Variants in GUCY1A2 observed in about 807,000 individuals in gnomAD.
The protein encoded by GUCY1A2 is guanylate cyclase 1 soluble subunit alpha 2.
Under a neutral mutation model 63.5 loss-of-function variants are expected in GUCY1A2, and 27 were observed. The observed-to-expected ratio is 0.43, with a 90% CI of 0.31 to 0.59. The LOEUF is 0.59. Ranked by LOEUF, GUCY1A2 falls within the 20% of genes least tolerant of loss-of-function variation. The pLI is 0.11. For synonymous variants in GUCY1A2, 364 were observed against 343.5 expected (o/e 1.06, Z -0.66); for missense variants, 768 against 913.3 (o/e 0.84, Z 2.05).
chr11:106,716,797 TAA>T (rs1356360554), intron 6 of GUCY1A2, among the ~76,000 whole-genome samples: 1 of 105,600 alleles, frequency 9.5e-6, no homozygotes, highest in Non-Finnish European at 1.9e-5. Flanking sequence ...AAAAAAAAGA[TAA>T]GAGTAAATCT....
intron 6 of GUCY1A2, among the ~76,000 whole-genome samples, chr11:106,720,977 T>G (rs947511866): frequency 1.3e-5 from 2 of 152,118 alleles, no homozygotes; most frequent in African/African-American, 2.4e-5. Context: ...CAAATTATTC[T>G]GAAAAACGAA....
intron 6 of GUCY1A2, among the ~76,000 whole-genome samples, chr11:106,712,163 T>C (rs1232553848): frequency 6.6e-6 from 1 of 152,144 alleles, no homozygotes; most frequent in East Asian, 1.9e-4. Flanking sequence ...TGTTAGGAGC[T>C]TGAATTACTT....
chr11:106,908,548 A>G (rs1860246348), intron 4 of GUCY1A2, among the ~76,000 whole-genome samples: 1 of 152,050 alleles, frequency 6.6e-6, no homozygotes, highest in South Asian at 2.1e-4. Context: ...TAAATAACAT[A>G]TGAATAAAGA....
intron 4 of GUCY1A2, among the ~76,000 whole-genome samples, chr11:106,899,937 T>A (rs2135484021): frequency 6.6e-6 from 1 of 151,950 alleles, no homozygotes; most frequent in Non-Finnish European, 1.5e-5. Context: ...TACAAAAAAA[T>A]TAGCCAGGCA....
chr11:106,833,222 AAAGAAAT>A (rs1859074062), intron 4 of GUCY1A2, among the ~76,000 whole-genome samples: 1 of 152,082 alleles, frequency 6.6e-6, no homozygotes, highest in South Asian at 2.1e-4. Flanking sequence ...TTATTTCTGT[AAAGAAAT>A]AATAGAGAAA....
At chr11:106,729,703 G>T (rs1403246223) in intron 6 of GUCY1A2, among the ~76,000 whole-genome samples, 2 of 152,026 alleles carry the variant, frequency 1.3e-5, no homozygotes, top group African/African-American at 4.8e-5. Context: ...TGTCATACTT[G>T]CCAGAGTAAT....
Position 106,764,176 on chromosome 11 carries a change from C to T in GUCY1A2, c.1836+12263G>A, listed in dbSNP as rs543134664. Among the ~76,000 whole-genome samples the T allele has an allele frequency of 4.6e-5, 7 of 152,230 alleles. No homozygotes were observed. The South Asian group carries it at 1.5e-3, about 32-fold the overall frequency. On this transcript the variant is annotated intron_variant, in intron 6 of 7. Coordinates refer to ENST00000526355, the MANE Select transcript of GUCY1A2 (RefSeq NM_000855.3). ...GACATAATTGTCCTCATTATTTCAA[C>T]ATCTCGATGTGAGTTTGCCTTGAGT... is the stretch of plus-strand genomic sequence containing the variant.
At chr11:106,817,417 G>C (rs953951641) in intron 4 of GUCY1A2, among the ~76,000 whole-genome samples, 34 of 151,774 alleles carry the variant, frequency 2.2e-4, no homozygotes, top group Middle Eastern at 6.8e-3. Flanking sequence ...AAAACATAGA[G>C]GAAAAGCTCC....
chr11:106,794,052 T>G (rs1308333788), intron 5 of GUCY1A2, among the ~76,000 whole-genome samples: 1 of 152,276 alleles, frequency 6.6e-6, no homozygotes, highest in East Asian at 1.9e-4. Context: ...ACTTCCATGT[T>G]CATTGCAGCA....
intron 4 of GUCY1A2, among the ~76,000 whole-genome samples, chr11:106,855,902 TTTATTTA>T (rs1859424996): frequency 5.0e-5 from 3 of 60,498 alleles, no homozygotes; most frequent in Admixed American, 1.6e-4. Context: ...ATTTTATTTA[TTTATTTA>T]TTTATTTATT....
intron 6 of GUCY1A2, among the ~76,000 whole-genome samples, chr11:106,741,060 G>A (rs1863686739): frequency 6.6e-6 from 1 of 152,112 alleles, no homozygotes; most frequent in Non-Finnish European, 1.5e-5. Context: ...TTATTGCAAT[G>A]CTGTCCAATA....
rs367543302 is a variant in GUCY1A2 at position 106,702,327 on chromosome 11, A to G, written c.1991+6185T>C. On this transcript the variant is annotated intron_variant, in intron 7 of 7. Transcript: ENST00000526355. Reference sequence around the variant, plus strand: ...TCCTAGGGTAGGAATTATGCACTGTATCAAACTCTTGCACAAAAATGTGGT... The same window carrying G: ...TCCTAGGGTAGGAATTATGCACTGTGTCAAACTCTTGCACAAAAATGTGGT... Among the ~76,000 whole-genome samples the G allele has an allele frequency of 7.7e-4, 118 of 152,294 alleles. 1 individual carries two copies. The highest frequency in any genetic ancestry group is 2.7e-3 in the African/African-American group (113 of 41,562).
At chr11:106,977,875 C>T (rs1001102668) in intron 3 of GUCY1A2, among the ~76,000 whole-genome samples, 5 of 151,994 alleles carry the variant, frequency 3.3e-5, no homozygotes, top group Non-Finnish European at 7.4e-5. Context: ...CCAAAAAGAA[C>T]TTAAAGAGAA....
chr11:107,010,766 T>C (rs1861732074), intron 1 of GUCY1A2, among the ~76,000 whole-genome samples: 1 of 152,204 alleles, frequency 6.6e-6, no homozygotes, highest in South Asian at 2.1e-4. Flanking sequence ...AGTATTCCTC[T>C]GTCACCCAGG....
At chr11:106,702,398 ATAT>A (rs974551210) in intron 7 of GUCY1A2, among the ~76,000 whole-genome samples, 5 of 152,176 alleles carry the variant, frequency 3.3e-5, no homozygotes, top group African/African-American at 1.2e-4. Context: ...GAGAAATTAA[ATAT>A]TATAACTTCT....
chr11:106,755,309 T>A (rs1028769166), intron 6 of GUCY1A2, among the ~76,000 whole-genome samples: 1 of 152,158 alleles, frequency 6.6e-6, no homozygotes, highest in African/African-American at 2.4e-5. Flanking sequence ...TCTGGATTCA[T>A]AATTTTTTTG....
intron 4 of GUCY1A2, among the ~76,000 whole-genome samples, chr11:106,840,057 C>G (rs111537287): frequency 6.6e-6 from 1 of 151,908 alleles, no homozygotes; most frequent in African/African-American, 2.4e-5. Context: ...ACATGAGCCA[C>G]TGAATCCATA....
intron 4 of GUCY1A2, among the ~76,000 whole-genome samples, chr11:106,865,811 T>C (rs1468118969): frequency 6.6e-6 from 1 of 151,442 alleles, no homozygotes; most frequent in Non-Finnish European, 1.5e-5. Flanking sequence ...ATAATAATAA[T>C]AAAAAGAAAC....
chr11:106,890,960 G>A (rs1015226743), intron 4 of GUCY1A2, among the ~76,000 whole-genome samples: 11 of 152,226 alleles, frequency 7.2e-5, no homozygotes, highest in Admixed American at 7.2e-4. Context: ...ATCTTTTTAT[G>A]AGCATTTTAC....
Sources: allele counts gnomAD v4.1 joint callset (sites outside exome capture counted in the v4.1 genomes callset), GRCh38; gene constraint gnomAD v4.1.1; transcripts MANE v1.5; gene names NCBI Gene and HGNC (gene_info 2026-07-23, HGNC 2026-07-21).